The following CNPPD1 variants were observed in gnomAD, a reference collection of about 807,000 sequenced individuals.
CNPPD1 encodes the protein protein CNPPD1.
Under a neutral mutation model 43.7 loss-of-function variants are expected in CNPPD1, and 40 were observed. That is an observed-to-expected ratio of 0.92 (90% CI 0.71 to 1.19). CNPPD1 has a LOEUF of 1.19. Ranked by LOEUF, CNPPD1 falls within the 50% of genes most tolerant of loss-of-function variation. The pLI, the probability that CNPPD1 is intolerant of heterozygous loss-of-function variation, is 0.00. For synonymous variants in CNPPD1, 208 were observed against 214.3 expected, an observed-to-expected ratio of 0.97 and a Z score of 0.26; for missense variants, 511 against 518.5, an observed-to-expected ratio of 0.99 and a Z score of 0.14.
At position 219,173,092 on chromosome 2, in the gene CNPPD1, C is replaced by T. The variant is rs759932649; in HGVS notation, c.727G>A (p.Val243Met). The change falls in exon 8 of 8, where the codon GTG (valine) becomes ATG (methionine). Residue 243 changes from valine (V) to methionine (M), a missense_variant. Physicochemically the swap from Val to Met is conservative, Grantham distance 21. Transcript: ENST00000360507. ...CLLAVAYVSS[V>M]ALAVASVAVI... Reference sequence around the variant, plus strand: ...GCCACCGATGCCACAGCCAGGGCCACACTGCTCACATATGCCACAGCTAAC... The same window carrying T: ...GCCACCGATGCCACAGCCAGGGCCATACTGCTCACATATGCCACAGCTAAC... 6.2e-7 allele frequency: 1 copy of T among 1,601,652 alleles called. No individual in the cohort carries two copies. The highest frequency in any genetic ancestry group is 1.1e-5 in the South Asian group (1 of 90,294).
chr2:219,176,430 T>G, intron 1 of CNPPD1, 99 bp from the exon 2 acceptor site: 1 of 929,592 alleles, frequency 1.1e-6, no homozygotes, highest in Non-Finnish European at 1.7e-6. Flanking sequence ...CAGGCCGGCC[T>G]CGCTGCTAGG....
At position 219,172,867 on chromosome 2, in the gene CNPPD1, G is replaced by A; in HGVS notation, c.952C>T (p.Pro318Ser). Residue 318 changes from proline to serine, a missense_variant, in exon 8 of 8, where the codon CCT (proline) becomes TCT (serine). Physicochemically the swap from Pro to Ser is moderately conservative, Grantham distance 74 (BLOSUM62 -1). Coordinates refer to ENST00000360507, the MANE Select transcript of CNPPD1 (RefSeq NM_015680.6). Reference sequence around the variant, plus strand: ...GGGTCTGGGGGAGGCAATGGTGGAGGAGTCAGTGAGGCCAGAAGACTGCCC... The same window carrying A: ...GGGTCTGGGGGAGGCAATGGTGGAGAAGTCAGTGAGGCCAGAAGACTGCCC... ...LWGSLLASLT[P>S]PPLPPPDPPA... 6.3e-7 allele frequency: 1 copy of A among 1,594,496 alleles called. No homozygotes were observed.
rs1428800658 is a variant in CNPPD1 at position 219,176,762 on chromosome 2, T to C, written c.67A>G (p.Thr23Ala). 5.1e-6 allele frequency: 8 copies of C among 1,575,690 alleles called. No individual in the cohort carries two copies. Among genetic ancestry groups the C allele is most frequent in the Non-Finnish European group, 6.9e-6 (8 of 1,161,330 alleles). The change falls in exon 1 of 8, where the codon ACG becomes GCG. Residue 23 changes from threonine to alanine, a missense_variant and splice_region_variant. By Grantham distance (58) the Thr-to-Ala change is moderately conservative. Transcript: ENST00000360507. ...TFSLAGFQDF[T>A]FLPGHQKLSA... ...GAGGGGGCGGGACCCCCACTCACCG[T>C]GAAGTCCTGGAAGCCGGCGAGGGAG...
At chr2:219,174,660 C>G in intron 5 of CNPPD1, 118 bp downstream of exon 5, 2 of 1,381,936 alleles carry the variant, frequency 1.4e-6, no homozygotes, top group Non-Finnish European at 1.9e-6. Context: ...AACACAAAGG[C>G]AGGAGGAGGA....
Position 219,172,299 on chromosome 2 carries a change from A to T in CNPPD1, c.*287T>A. The T allele has an allele frequency of 4.0e-6, 2 of 494,102 alleles. No homozygotes were observed. The highest frequency in any genetic ancestry group is 3.6e-6 in the Non-Finnish European group (1 of 274,938). 30.6% of individuals were successfully genotyped at this position (494,102 alleles called of 1,614,324 possible). On this transcript the variant is annotated 3_prime_UTR_variant, in exon 8 of 8. Transcript: ENST00000360507. ...GAAATCAAAAGTAAAAGTCTAAAAA[A>T]TCCCAGGGAGGCAGAGAGGGGCTTC...
At chr2:219,177,447 G>A (rs949582443), upstream of CNPPD1, 5 of 152,328 alleles carry the variant, frequency 3.3e-5, no homozygotes, top group African/African-American at 1.2e-4. Flanking sequence ...CTTTTTAGGA[G>A]AGATATTATA....
chr2:219,175,547 C>T (rs769393487), intron 3 of CNPPD1, 44 bp downstream of exon 3: 1 of 1,484,048 alleles, frequency 6.7e-7, no homozygotes, highest in African/African-American at 1.4e-5. Context: ...TCCCCTTTCT[C>T]TAGGGCCCAA....
chr2:219,175,077 G>A lies in CNPPD1; in HGVS notation c.292C>T (p.Leu98=). 4 of 1,610,992 alleles carry A rather than the reference G, an allele frequency of 2.5e-6. No homozygotes were observed. Among genetic ancestry groups the A allele is most frequent in the Non-Finnish European group, 3.4e-6 (4 of 1,179,028 alleles). The change falls in exon 4 of 8, where the codon CTG becomes TTG. Residue 98 remains leucine, a synonymous_variant. Transcript: ENST00000360507. ...AGCCGTTCAATGTACACCAGAGCCA[G>A]CATCATAGCACATGGGGAGATGCAT... ...EACISPCAMM[L]ALVYIERLRH... is the part of the protein sequence containing the mutation.
In CNPPD1 at chr2:219,176,914, A is replaced by G; in HGVS notation, c.-86T>C. On this transcript the variant is annotated 5_prime_UTR_variant, in exon 1 of 8. Coordinates refer to ENST00000360507, the MANE Select transcript of CNPPD1 (RefSeq NM_015680.6). ...CGGAGCTGTCCTTGCCCGCCTGTCC[A>G]CCTGCCAGCCTGCCTCCCCGGGGCG... 8.5e-7 allele frequency: 1 copy of G among 1,173,306 alleles called. No homozygotes were observed. Among genetic ancestry groups the G allele is most frequent in the Non-Finnish European group, 1.2e-6 (1 of 838,330 alleles). 72.7% of individuals were successfully genotyped at this position (1,173,306 alleles called of 1,614,324 possible).
chr2:219,177,062 A>AG (rs1449618572), upstream of CNPPD1: 2 of 441,874 alleles, frequency 4.5e-6, no homozygotes, highest in Non-Finnish European at 8.0e-6. Context: ...CGGGGGCCCT[A>AG]GGCCCGGGAA....
chr2:219,176,725 C>T lies in CNPPD1; in HGVS notation c.69+35G>A, dbSNP rs771987269. On this transcript the variant is annotated intron_variant, in intron 1 of 7. Coordinates refer to ENST00000360507, the MANE Select transcript of CNPPD1 (RefSeq NM_015680.6). ...GCCGCTCAGGCCGGGAGGGGCGCGC[C>T]GGGAGGCCGGGGAGGGGGCGGGACC... 6 of 1,406,046 alleles carry T rather than the reference C, an allele frequency of 4.3e-6. No individual in the cohort carries two copies. The East Asian group carries it at 1.3e-4, about 30-fold the overall frequency. 87.1% of individuals were successfully genotyped at this position (1,406,046 alleles called of 1,614,324 possible).
chr2:219,177,649 C>G (rs945357699), upstream of CNPPD1: 3 of 152,070 alleles, frequency 2.0e-5, no homozygotes, highest in African/African-American at 7.2e-5. Context: ...GTCAACACGT[C>G]CACCCAAAAG....
upstream of CNPPD1, chr2:219,176,948 T>TACTCGC (rs1950179500): frequency 1.0e-5 from 8 of 799,518 alleles, no homozygotes; most frequent in African/African-American, 1.8e-5. Flanking sequence ...CGGGCCGCCG[T>TACTCGC]CCTCGCCCTC....
upstream of CNPPD1, chr2:219,177,875 G>C (rs1207719440): frequency 2.0e-5 from 3 of 152,410 alleles, no homozygotes; most frequent in African/African-American, 7.2e-5. Context: ...AGGGAACTGG[G>C]AGGACCAGTG....
upstream of CNPPD1, chr2:219,176,962 C>T: frequency 8.9e-6 from 6 of 675,262 alleles, no homozygotes; most frequent in Non-Finnish European, 1.5e-5. Flanking sequence ...CGCCCTCGCC[C>T]TCGCAGCTCC....
chr2:219,173,273 T>C (rs1950104968), intron 7 of CNPPD1, 77 bp downstream of exon 7: 1 of 1,478,628 alleles, frequency 6.8e-7, no homozygotes, highest in Non-Finnish European at 9.3e-7. Flanking sequence ...TCCTGGGCTT[T>C]TCAGCAATCA....
At chr2:219,176,948 T>TCCTTGC (rs1950179619), upstream of CNPPD1, 1 of 799,518 alleles carries the variant, frequency 1.3e-6, no homozygotes, top group African/African-American at 1.8e-5. Context: ...CGGGCCGCCG[T>TCCTTGC]CCTCGCCCTC....
rs1344017573 is a variant in CNPPD1, at chr2:219,172,402, A to C, written c.*184T>G. 4 of 677,010 alleles carry C rather than the reference A, an allele frequency of 5.9e-6. No homozygotes were observed. Among genetic ancestry groups the C allele is most frequent in the African/African-American group, 1.8e-5 (1 of 55,758 alleles). 41.9% of individuals were successfully genotyped at this position (677,010 alleles called of 1,614,324 possible). Reference sequence around the variant, plus strand: ...GCATCACTGTCCTGGCCAAGCAGCCAGCCACTGCGATCTAGGAGTGAATTA... The same window carrying C: ...GCATCACTGTCCTGGCCAAGCAGCCCGCCACTGCGATCTAGGAGTGAATTA... On this transcript the variant is annotated 3_prime_UTR_variant, in exon 8 of 8. Coordinates refer to ENST00000360507, the MANE Select transcript of CNPPD1 (RefSeq NM_015680.6).
rs1290355871 is a variant in CNPPD1 at position 219,172,546 on chromosome 2, A to C, written c.*40T>G. On this transcript the variant is annotated 3_prime_UTR_variant, in exon 8 of 8. Coordinates refer to ENST00000360507, the MANE Select transcript of CNPPD1 (RefSeq NM_015680.6). Reference sequence around the variant, plus strand: ...AAGCTTTGCTCCTCCAGGTTCTCAGAAACTCCCAAACCCTCTTAATGCATT... The same window carrying C: ...AAGCTTTGCTCCTCCAGGTTCTCAGCAACTCCCAAACCCTCTTAATGCATT... 6.2e-7 allele frequency: 1 copy of C among 1,607,198 alleles called. No homozygotes were observed. Among genetic ancestry groups the C allele is most frequent in the South Asian group, 1.1e-5 (1 of 90,900 alleles).
Sources: allele counts gnomAD v4.1 joint callset, GRCh38; gene constraint gnomAD v4.1.1; transcripts MANE v1.5; gene names NCBI Gene and HGNC (gene_info 2026-07-23, HGNC 2026-07-21).